Variants in ATP8B4 observed in about 807,000 individuals in gnomAD.
The protein encoded by ATP8B4 is ATPase phospholipid transporting 8B4 (putative), also known as probable phospholipid-transporting ATPase IM.
ATP8B4 carries 133 observed loss-of-function variants against 145.6 expected under a neutral mutation model. That is an observed-to-expected ratio of 0.91 (90% confidence interval 0.79 to 1.05). The LOEUF is 1.05. ATP8B4 is among the 50% of genes least tolerant of loss of function. The probability of loss-of-function intolerance (pLI) is 0.00; values close to 1 mark genes in which losing one functional copy is unlikely to be tolerated. For missense variants in ATP8B4, 1,458 were observed against 1,425.2 expected (o/e 1.02, Z -0.37); for synonymous variants, 507 against 492.9 (o/e 1.03, Z -0.38).
At chr15:50,136,651 C>T (rs2044126872) in intron 1 of ATP8B4, among the ~76,000 whole-genome samples, 1 of 152,146 alleles carries the variant, frequency 6.6e-6, no homozygotes, top group African/African-American at 2.4e-5. Flanking sequence ...GGGGGTTTAC[C>T]CTTTGTGATG....
chr15:49,884,252 G>A (rs2035868672), intron 23 of ATP8B4, among the ~76,000 whole-genome samples: 1 of 152,014 alleles, frequency 6.6e-6, no homozygotes, highest in South Asian at 2.1e-4. Flanking sequence ...GAACCTTAGT[G>A]CCCACAACAC....
At chr15:49,952,401 C>CT (rs1361801609) in intron 14 of ATP8B4, among the ~76,000 whole-genome samples, 4 of 152,024 alleles carry the variant, frequency 2.6e-5, no homozygotes, top group Non-Finnish European at 5.9e-5. Flanking sequence ...ACTTTTCGTT[C>CT]TTTTTTTCTC....
intron 9 of ATP8B4, among the ~76,000 whole-genome samples, chr15:49,990,548 C>G (rs1207169982): frequency 6.6e-6 from 1 of 152,044 alleles, no homozygotes; most frequent in Non-Finnish European, 1.5e-5. Context: ...ATGCTCTAGA[C>G]CCATACTGAA....
At position 50,158,262 on chromosome 15, in the gene ATP8B4, G is replaced by A. The variant is rs2044456005; in HGVS notation, c.-43+23999C>T. Among the ~76,000 whole-genome samples, 5 of 150,896 alleles carry A rather than the reference G, an allele frequency of 3.3e-5. No individual in the cohort carries two copies. In the South Asian group the frequency reaches 6.3e-4, roughly 19 times the overall value. On this transcript the variant is annotated intron_variant, in intron 1 of 3. Coordinates refer to the ATP8B4 transcript ENST00000558829. Reference sequence around the variant, plus strand: ...CCCTCTGCCCGGCTGCCCAGTCTGGGAAGTGAGGAGCGCCTCTTCCCGGCC... The same window carrying A: ...CCCTCTGCCCGGCTGCCCAGTCTGGAAAGTGAGGAGCGCCTCTTCCCGGCC...
chr15:50,066,483 G>A (rs2053389875), intron 3 of ATP8B4, among the ~76,000 whole-genome samples: 1 of 152,148 alleles, frequency 6.6e-6, no homozygotes, highest in Non-Finnish European at 1.5e-5. Context: ...CCATAGGTGA[G>A]GATCTGCATC....
At chr15:49,960,622 C>T (rs2043981743) in intron 14 of ATP8B4, among the ~76,000 whole-genome samples, 2 of 151,952 alleles carry the variant, frequency 1.3e-5, no homozygotes, top group South Asian at 4.1e-4. Context: ...AAGGCATAAA[C>T]CTCAGTGATG....
chr15:50,062,059 G>A (rs1174187774), intron 3 of ATP8B4, among the ~76,000 whole-genome samples: 5 of 152,096 alleles, frequency 3.3e-5, no homozygotes, highest in African/African-American at 9.7e-5. Context: ...GACCTTATAC[G>A]TTTTTAAGTG....
chr15:50,088,604 C>A (rs1446809415), intron 2 of ATP8B4, among the ~76,000 whole-genome samples: 1 of 152,150 alleles, frequency 6.6e-6, no homozygotes, highest in Non-Finnish European at 1.5e-5. Context: ...CCATGGTTAT[C>A]CTTTTTGAAA....
chr15:49,948,059 G>A (rs1207829582), intron 14 of ATP8B4, among the ~76,000 whole-genome samples: 1 of 152,038 alleles, frequency 6.6e-6, no homozygotes, highest in Admixed American at 6.6e-5. Flanking sequence ...CAATGGTCTC[G>A]ACAATGACTT....
intron 1 of ATP8B4, among the ~76,000 whole-genome samples, chr15:50,109,602 A>G (rs779122177): frequency 5.9e-5 from 9 of 151,780 alleles, no homozygotes; most frequent in Non-Finnish European, 1.3e-4. Context: ...CTGAGTCCCC[A>G]GAGCAGAGGA....
chr15:50,030,252 C>A (rs900314969), intron 6 of ATP8B4, among the ~76,000 whole-genome samples: 1 of 151,710 alleles, frequency 6.6e-6, no homozygotes, highest in Non-Finnish European at 1.5e-5. Flanking sequence ...GATGCATAAA[C>A]CTATTCTTTT....
chr15:50,156,033 TC>T (rs1266528666), intron 1 of ATP8B4, among the ~76,000 whole-genome samples: 2 of 141,062 alleles, frequency 1.4e-5, no homozygotes, highest in African/African-American at 2.6e-5. Flanking sequence ...AAACAAAATC[TC>T]CTAATAGCCC....
chr15:49,924,422 A>C (rs147797601), intron 16 of ATP8B4, among the ~76,000 whole-genome samples: 91 of 152,262 alleles, frequency 6.0e-4, no homozygotes, highest in African/African-American at 2.1e-3. Context: ...TCTTGCCCTC[A>C]TAGGCTTCAT....
chr15:49,870,132 C>CTT (rs2033450737), intron 25 of ATP8B4, among the ~76,000 whole-genome samples: 1 of 152,038 alleles, frequency 6.6e-6, no homozygotes, highest in South Asian at 2.1e-4. Context: ...ATGATAAATA[C>CTT]TTATACATTC....
Position 49,931,255 on chromosome 15 carries a change from G to A in ATP8B4, c.1506C>T (p.Ala502=), listed in dbSNP as rs377569154. ...QSPDEGALVT[A]ARNFGFIFKS... The stretch of plus-strand genomic sequence containing the variant: ...TAAAAATGAACCCAAAATTTCTAGC[G>A]GCAGTCACTAGAGCCCCTTCATCAG... The change falls in exon 16 of 28, where the codon GCC becomes GCT. Residue 502 remains alanine (A), a synonymous_variant. Coordinates refer to ENST00000284509, the MANE Select transcript of ATP8B4 (RefSeq NM_024837.4). 41 of 1,612,482 alleles carry A rather than the reference G, an allele frequency of 2.5e-5. No homozygotes were observed. Among genetic ancestry groups the A allele is most frequent in the Admixed American group, 8.4e-5 (5 of 59,818 alleles).
At chr15:50,038,050 G>C (rs2050969697) in intron 6 of ATP8B4, among the ~76,000 whole-genome samples, 1 of 152,046 alleles carries the variant, frequency 6.6e-6, no homozygotes, top group Admixed American at 6.6e-5. Context: ...GTGACTGACT[G>C]CCAGATTTAA....
intron 14 of ATP8B4, among the ~76,000 whole-genome samples, chr15:49,942,893 G>T (rs1324146844): frequency 6.6e-6 from 1 of 152,022 alleles, no homozygotes; most frequent in Non-Finnish European, 1.5e-5. Flanking sequence ...TAAAGAAACA[G>T]AGGTATATGA....
chr15:49,866,429 C>T lies in ATP8B4; in HGVS notation c.3083G>A (p.Ser1028Asn). Reference sequence around the variant, plus strand: ...TAAAATGGAGAAATAAATGGCAATGCTCCCCCAGATGAAGACGTGATTAAT... The same window carrying T: ...TAAAATGGAGAAATAAATGGCAATGTTCCCCCAGATGAAGACGTGATTAAT... The part of the protein sequence containing the change: ...TFINHVFIWG[S>N]IAIYFSILFT... The change falls in exon 26 of 28, where the codon AGC (serine) becomes AAC (asparagine). Residue 1028 changes from serine to asparagine, a missense_variant. By Grantham distance (46) the Ser-to-Asn change is conservative. Transcript: ENST00000284509. The T allele has an allele frequency of 6.2e-7, 1 of 1,613,584 alleles. No individual in the cohort carries two copies. The highest frequency in any genetic ancestry group is 8.5e-7 in the Non-Finnish European group (1 of 1,179,492).
At chr15:50,165,094 T>C (rs1054530065) in intron 1 of ATP8B4, among the ~76,000 whole-genome samples, 1 of 151,960 alleles carries the variant, frequency 6.6e-6, no homozygotes, top group Non-Finnish European at 1.5e-5. Flanking sequence ...CTGTTACCCA[T>C]GCTGAAGTCC....
Sources: allele counts gnomAD v4.1 joint callset (sites outside exome capture counted in the v4.1 genomes callset), GRCh38; gene constraint gnomAD v4.1.1; transcripts MANE v1.5; gene names NCBI Gene and HGNC (gene_info 2026-07-23, HGNC 2026-07-21).